Variants in CHRFAM7A observed in about 807,000 individuals in gnomAD.
The protein encoded by CHRFAM7A is CHRNA7-FAM7A fusion protein.
A neutral mutation model predicts 29.2 loss-of-function variants in CHRFAM7A; 3 were observed. The observed-to-expected ratio is 0.10, with a 90% CI of 0.05 to 0.27. The LOEUF (loss-of-function observed/expected upper bound fraction) is 0.27, where lower values mean the gene tolerates loss of function less well. Among genes scored for constraint, CHRFAM7A ranks in the 10% least tolerant of loss-of-function variants. The probability of loss-of-function intolerance (pLI) is 1.00; values close to 1 mark genes in which losing one functional copy is unlikely to be tolerated. For missense variants in CHRFAM7A, 22 were observed against 328.0 expected (o/e 0.07, Z 7.21); for synonymous variants, 7 against 135.4 (o/e 0.05, Z 6.58).
intron 5 of CHRFAM7A, among the ~76,000 whole-genome samples, chr15:30,373,884 A>G (rs962698294): frequency 8.8e-6 from 1 of 114,038 alleles, no homozygotes; most frequent in African/African-American, 3.6e-5. Flanking sequence ...GCTTGAGCCC[A>G]GGAGTTTGAG....
chr15:30,361,413 C>G lies in CHRFAM7A; in HGVS notation c.*880G>C. On this transcript the variant is annotated 3_prime_UTR_variant, in exon 10 of 10. Transcript: ENST00000299847. ...CAGCTAACACATTATTTTTTTAAAG[C>G]CCACGTAAGTGGCTTCACTTAGCTG... The G allele has an allele frequency of 7.6e-6, 1 of 131,404 alleles. No individual in the cohort carries two copies. The highest frequency in any genetic ancestry group is 1.6e-5 in the Non-Finnish European group (1 of 61,616). 8.1% of individuals were successfully genotyped at this position (131,404 alleles called of 1,614,324 possible).
intron 5 of CHRFAM7A, among the ~76,000 whole-genome samples, chr15:30,374,310 C>T (rs1167731216): frequency 1.0e-5 from 1 of 97,166 alleles, no homozygotes; most frequent in East Asian, 3.3e-4. Context: ...AGGGCCTCCA[C>T]AGCCTTGCAC....
At chr15:30,375,877 GTGT>G (rs1402266270) in intron 5 of CHRFAM7A, among the ~76,000 whole-genome samples, 19 of 83,946 alleles carry the variant, frequency 2.3e-4, no homozygotes, top group South Asian at 9.0e-4. Flanking sequence ...AGTGGTGTGT[GTGT>G]TGAGTCGTGT....
intron 5 of CHRFAM7A, among the ~76,000 whole-genome samples, chr15:30,376,032 G>A (rs1283747588): frequency 6.6e-6 from 1 of 151,688 alleles, no homozygotes; most frequent in African/African-American, 2.4e-5. Flanking sequence ...ATTGTGAGTG[G>A]TGTGTGTGTT....
At chr15:30,363,118 A>T (rs2058759223) in intron 9 of CHRFAM7A, among the ~76,000 whole-genome samples, 1 of 151,182 alleles carries the variant, frequency 6.6e-6, no homozygotes, top group African/African-American at 2.5e-5. Flanking sequence ...GTAAAGAGGG[A>T]AAGTCAATTT....
intron 1 of CHRFAM7A, among the ~76,000 whole-genome samples, chr15:30,387,280 C>T (rs1378157296): frequency 7.7e-5 from 6 of 78,366 alleles, no homozygotes; most frequent in Non-Finnish European, 1.1e-4. Flanking sequence ...TACAATTCAA[C>T]GTTCTAAACT....
chr15:30,377,529 C>A (rs1287501899), intron 4 of CHRFAM7A, among the ~76,000 whole-genome samples: 1 of 138,862 alleles, frequency 7.2e-6, no homozygotes, highest in Non-Finnish European at 1.6e-5. Flanking sequence ...GCTCTAGTTC[C>A]AGCCTCTTGA....
At chr15:30,373,240 A>G in intron 5 of CHRFAM7A, 95 bp from the exon 6 acceptor site, 4 of 1,444,202 alleles carry the variant, frequency 2.8e-6, no homozygotes, top group South Asian at 2.4e-5. Flanking sequence ...CGCCCTCCGC[A>G]CTGCAGCTAA....
intron 1 of CHRFAM7A, among the ~76,000 whole-genome samples, chr15:30,387,314 G>A (rs2058980231): frequency 1.1e-5 from 1 of 93,676 alleles, no homozygotes; most frequent in South Asian, 4.6e-4. Context: ...CTGCTTTTTC[G>A]ATTACCAGCA....
At position 30,369,048 on chromosome 15, in the gene CHRFAM7A, A is replaced by G. The variant is rs1755141344; in HGVS notation, c.611-1521T>C. ...GTGTTGTGTAAGTAGAGAAATGGTG[A>G]CTGATTTTCTCAGGGGCCTTCAACA... On this transcript the variant is annotated intron_variant, in intron 8 of 9. Transcript: ENST00000299847. Among the ~76,000 whole-genome samples the G allele has an allele frequency of 1.4e-5, 2 of 147,254 alleles. 1 individual carries two copies. The highest frequency in any genetic ancestry group is 3.0e-5 in the Non-Finnish European group (2 of 66,884).
intron 5 of CHRFAM7A, among the ~76,000 whole-genome samples, chr15:30,374,587 T>C (rs1305062712): frequency 1.1e-3 from 155 of 144,400 alleles, no homozygotes; most frequent in Non-Finnish European, 2.1e-3. Context: ...GATCAGTGGT[T>C]GCTGGGAGTA....
At chr15:30,375,610 C>T (rs1489661648) in intron 5 of CHRFAM7A, among the ~76,000 whole-genome samples, 1 of 146,712 alleles carries the variant, frequency 6.8e-6, no homozygotes, top group African/African-American at 2.5e-5. Flanking sequence ...GGTTGTGAGT[C>T]GTGTGTGAGT....
At position 30,362,288 on chromosome 15, in the gene CHRFAM7A, C is replaced by CGTG. The variant is rs1477644887; in HGVS notation, c.*2_*4dup. The CGTG allele has an allele frequency of 5.0e-5, 8 of 160,474 alleles. No homozygotes were observed. The highest frequency in any genetic ancestry group is 3.1e-4 in the South Asian group (8 of 26,196). The allele number at this position is 160,474 out of a possible 1,614,324, so 9.9% of individuals were successfully genotyped here. A position where few individuals can be genotyped will look rare whatever the true frequency, so the allele number is the denominator to read the frequency against. ...AGTTTTCCACATGTACAGAACCAGGCGTGGTTACGCAAAGTCTTTGGACAC... is the reference window on the plus strand; with the variant it reads ...AGTTTTCCACATGTACAGAACCAGGCGTGGTGGTTACGCAAAGTCTTTGGACAC... On this transcript the variant is annotated 3_prime_UTR_variant, in exon 10 of 10. Coordinates refer to ENST00000299847, the MANE Select transcript of CHRFAM7A (RefSeq NM_139320.2).
chr15:30,374,467 C>T (rs1290390981), intron 5 of CHRFAM7A, among the ~76,000 whole-genome samples: 2 of 131,634 alleles, frequency 1.5e-5, no homozygotes, highest in African/African-American at 5.8e-5. Flanking sequence ...ATAGTTGGAT[C>T]CCCCCAAAAC....
intron 9 of CHRFAM7A, among the ~76,000 whole-genome samples, chr15:30,363,355 G>T (rs1396101387): frequency 1.4e-5 from 2 of 147,650 alleles, no homozygotes; most frequent in African/African-American, 2.5e-5. Context: ...CTCTTGTGAT[G>T]ACGTGACCAC....
chr15:30,367,558 C>A (rs760199720), intron 8 of CHRFAM7A, 31 bp from the exon 9 acceptor site: 1 of 1,595,970 alleles, frequency 6.3e-7, no homozygotes, highest in South Asian at 1.1e-5. Context: ...GGGTGAGACC[C>A]GGGGATCCTG....
At position 30,367,399 on chromosome 15, in the gene CHRFAM7A, G is replaced by A. The variant is rs182543528; in HGVS notation, c.720+19C>T. 279 of 1,598,396 alleles carry A rather than the reference G, an allele frequency of 1.7e-4. 5 individuals are homozygous for A. In the African/African-American group the frequency reaches 3.1e-3, roughly 18 times the overall value. Reference sequence around the variant, plus strand: ...TTTACAGCGGGGCTCCGACTCCATCGGGGGTGGGAGGAACGTACCCACTTG... The same window carrying A: ...TTTACAGCGGGGCTCCGACTCCATCAGGGGTGGGAGGAACGTACCCACTTG... On this transcript the variant is annotated intron_variant, in intron 9 of 9. Transcript: ENST00000299847.
chr15:30,373,208 C>T (rs1239329808), intron 5 of CHRFAM7A, 63 bp from the exon 6 acceptor site: 2 of 1,240,454 alleles, frequency 1.6e-6, no homozygotes, highest in Admixed American at 1.8e-5. Flanking sequence ...TGAAAATACA[C>T]AGCAGTTCCT....
chr15:30,376,147 T>A (rs1158271107), intron 5 of CHRFAM7A, among the ~76,000 whole-genome samples: 5 of 150,742 alleles, frequency 3.3e-5, no homozygotes, highest in African/African-American at 9.9e-5. Flanking sequence ...GAGGTGTGTG[T>A]GAGTGGTGTG....
Sources: gnomAD v4.1 joint callset for allele counts (sites outside exome capture counted in the v4.1 genomes callset) on GRCh38, gnomAD v4.1.1 for gene constraint, MANE v1.5 for transcripts, NCBI Gene and HGNC (gene_info 2026-07-23, HGNC 2026-07-21) for gene names.